Variants in VCPKMT observed in about 807,000 individuals in gnomAD.
The protein encoded by VCPKMT is protein N-lysine methyltransferase METTL21D.
Under a neutral mutation model 28.6 loss-of-function variants are expected in VCPKMT, and 32 were observed. That is an observed-to-expected ratio of 1.12 (90% CI 0.84 to 1.50). The LOEUF is 1.50. Ranked by LOEUF, VCPKMT falls within the 40% of genes most tolerant of loss-of-function variation. VCPKMT has a pLI of 0.00. For missense variants in VCPKMT, 366 were observed against 285.0 expected (o/e 1.28, Z -2.05); for synonymous variants, 138 against 111.4 (o/e 1.24, Z -1.50).
chr14:50,108,570 T>C, downstream of VCPKMT: 1 of 978,968 alleles, frequency 1.0e-6, no homozygotes, highest in Non-Finnish European at 1.2e-6. Flanking sequence ...AGGGCTGCTT[T>C]TGCTCCTGTT....
chr14:50,103,996 C>T (rs1882239093), downstream of VCPKMT, among the ~76,000 whole-genome samples: 1 of 152,128 alleles, frequency 6.6e-6, no homozygotes, highest in African/African-American at 2.4e-5. Context: ...CCACAGCAAC[C>T]TATAAGATAT....
chr14:50,112,774 G>T, intron 4 of VCPKMT, 55 bp from the exon 5 acceptor site: 1 of 1,245,224 alleles, frequency 8.0e-7, no homozygotes. Flanking sequence ...TGACCTGTGG[G>T]TGACAGAAGT....
Position 50,112,665 on chromosome 14 carries a change from C to T in VCPKMT, c.625G>A (p.Glu209Lys). 1.9e-6 allele frequency: 3 copies of T among 1,576,226 alleles called. No individual in the cohort carries two copies. The highest frequency in any genetic ancestry group is 1.8e-4 in the Middle Eastern group (1 of 5,646). ...EKIPLEKHDEEYRSEDIHIIY... is the reference protein window; with the variant it reads ...EKIPLEKHDEKYRSEDIHIIY... The stretch of plus-strand genomic sequence containing the variant: ...ATATGAATATCTTCACTTCGATACT[C>T]TTCATCATGTTTTTCCAAAGGAATT... Residue 209 changes from glutamate to lysine, a missense_variant, in exon 5 of 6, where the codon GAG becomes AAG. By Grantham distance (56) the Glu-to-Lys change is moderately conservative. Coordinates refer to ENST00000395860, the MANE Select transcript of VCPKMT (RefSeq NM_024558.3).
chr14:50,112,740 T>A (rs973630001), intron 4 of VCPKMT, 21 bp from the exon 5 acceptor site: 2 of 1,492,074 alleles, frequency 1.3e-6, no homozygotes, highest in Non-Finnish European at 1.8e-6. Context: ...AAAAGAGACA[T>A]ACTTCAAATT....
chr14:50,107,547 CAGG>C (rs1594931319), downstream of VCPKMT, among the ~76,000 whole-genome samples: 2 of 152,182 alleles, frequency 1.3e-5, no homozygotes, highest in Admixed American at 6.5e-5. Flanking sequence ...CTCCCGACCT[CAGG>C]AGATCCGTCT....
At chr14:50,105,558 G>A (rs1266046543), downstream of VCPKMT, among the ~76,000 whole-genome samples, 1 of 152,188 alleles carries the variant, frequency 6.6e-6, no homozygotes, top group South Asian at 2.1e-4. Flanking sequence ...TTGAACCTGG[G>A]AGGCGGAGGT....
chr14:50,102,924 A>G, the VCPKMT span, among the ~76,000 whole-genome samples: 1 of 152,252 alleles, frequency 6.6e-6, no homozygotes, highest in Non-Finnish European at 1.5e-5. Flanking sequence ...CAAGTTTAAT[A>G]TAACGCAGAA....
Position 50,113,221 on chromosome 14 carries a change from C to T in VCPKMT, c.571-502G>A, listed in dbSNP as rs191845197. 3.4e-3 allele frequency: 518 copies of T among 152,390 alleles called. 8 individuals are homozygous for T. The highest frequency in any genetic ancestry group is 6.3e-3 in the Admixed American group (97 of 15,300). The allele number at this position is 152,390 out of a possible 1,614,324, so 9.4% of individuals were successfully genotyped here. A position where few individuals can be genotyped will look rare whatever the true frequency, so the allele number is the denominator to read the frequency against. Reference sequence around the variant, plus strand: ...ATGAAAAATTAAGCTCAGCACTTGACTGATACATATGCATTTTACATATGC... The same window carrying T: ...ATGAAAAATTAAGCTCAGCACTTGATTGATACATATGCATTTTACATATGC... On this transcript the variant is annotated intron_variant, in intron 4 of 5. Coordinates refer to ENST00000395860, the MANE Select transcript of VCPKMT (RefSeq NM_024558.3).
downstream of VCPKMT, chr14:50,106,573 G>C (rs574975931): frequency 7.5e-5 from 74 of 985,396 alleles, no homozygotes; most frequent in African/African-American, 1.2e-3. Context: ...CAGCCTTACA[G>C]TTCCCACATC....
intron 5 of VCPKMT, 46 bp downstream of exon 5, chr14:50,112,569 C>G (rs1476954249): frequency 1.8e-5 from 23 of 1,267,522 alleles, no homozygotes; most frequent in Non-Finnish European, 2.3e-5. Flanking sequence ...TAGTGTCCAG[C>G]TGATGAAACC....
chr14:50,116,506 A>C lies in VCPKMT; in HGVS notation c.47T>G (p.Phe16Cys), dbSNP rs780725546. 1.7e-5 allele frequency: 28 copies of C among 1,613,618 alleles called. No individual in the cohort carries two copies. The highest frequency in any genetic ancestry group is 2.0e-5 in the Non-Finnish European group (24 of 1,179,896). ...ATCCCGCTTCTCCAAAACTCGCACAAAGCTCCGCAGTGGGTCCTCCAGCGA... is the reference window on the plus strand; with the variant it reads ...ATCCCGCTTCTCCAAAACTCGCACACAGCTCCGCAGTGGGTCCTCCAGCGA... ...ESSLEDPLRS[F>C]VRVLEKRDGT... is the part of the protein sequence containing the mutation. Residue 16 changes from phenylalanine to cysteine, a missense_variant, in exon 1 of 6, where the codon TTT becomes TGT. By Grantham distance (205) the Phe-to-Cys change is radical. Transcript: ENST00000395860.
intron 5 of VCPKMT, 70 bp from the exon 6 acceptor site, chr14:50,109,783 C>T: frequency 1.3e-6 from 2 of 1,518,492 alleles, no homozygotes; most frequent in East Asian, 2.4e-5. Context: ...TTTAATAATG[C>T]CTAATATGCC....
the VCPKMT span, among the ~76,000 whole-genome samples, chr14:50,102,743 T>C: frequency 1.3e-5 from 2 of 152,246 alleles, no homozygotes; most frequent in Non-Finnish European, 1.5e-5. Flanking sequence ...AATTTTGCTT[T>C]GCAAGGAAGA....
chr14:50,106,539 G>A (rs1882326844), downstream of VCPKMT: 1 of 984,576 alleles, frequency 1.0e-6, no homozygotes, highest in Admixed American at 6.2e-5. Flanking sequence ...TCTCAGGCTG[G>A]CAGAGTGCAT....
intron 4 of VCPKMT, among the ~76,000 whole-genome samples, chr14:50,114,071 T>C (rs940651203): frequency 5.9e-5 from 9 of 152,152 alleles, no homozygotes; most frequent in Non-Finnish European, 1.0e-4. Context: ...CATTCTTCTG[T>C]AGCCATAGAT....
chr14:50,114,236 C>A (rs74328378), intron 4 of VCPKMT, 49 bp downstream of exon 4: 12 of 1,431,354 alleles, frequency 8.4e-6, no homozygotes, highest in Non-Finnish European at 1.1e-5. Flanking sequence ...CACATACAGC[C>A]CCCCTGAAGG....
intron 5 of VCPKMT, among the ~76,000 whole-genome samples, chr14:50,110,785 G>T (rs779325987): frequency 2.6e-5 from 4 of 152,230 alleles, no homozygotes; most frequent in Admixed American, 6.5e-5. Flanking sequence ...GATGGATAAG[G>T]TGTGGTACAG....
At chr14:50,112,393 G>GAAAAAAAA (rs1491164359) in intron 5 of VCPKMT, among the ~76,000 whole-genome samples, 7 of 56,416 alleles carry the variant, frequency 1.2e-4, no homozygotes, top group Non-Finnish European at 1.6e-4. Context: ...TAAAAAATAC[G>GAAAAAAAA]AGAAAAAAAA....
intron 5 of VCPKMT, chr14:50,111,895 A>T (rs2024807): frequency 0.87 from 852,737 of 982,782 alleles, 370,515 homozygotes; most frequent in East Asian, 0.92. Context: ...TTTCAAAAAA[A>T]AAAAAGGATG....
Sources: gnomAD v4.1 joint callset for allele counts (sites outside exome capture counted in the v4.1 genomes callset) on GRCh38, gnomAD v4.1.1 for gene constraint, MANE v1.5 for transcripts, NCBI Gene and HGNC (gene_info 2026-07-23, HGNC 2026-07-21) for gene names.